ANKRD36: variants seen among roughly 807,000 people sequenced by gnomAD.
ANKRD36 encodes ankyrin repeat domain 36, also known as ankyrin repeat domain-containing protein 36A.
ANKRD36 carries 179 observed loss-of-function variants against 278.1 expected under a neutral mutation model. The ratio of observed to expected loss-of-function variants is 0.64; its 90% CI spans 0.57 to 0.73. ANKRD36 has a LOEUF of 0.73. Among genes scored for constraint, ANKRD36 ranks in the 30% least tolerant of loss-of-function variants. The pLI, the probability that ANKRD36 is intolerant of heterozygous loss-of-function variation, is 0.00. For synonymous variants in ANKRD36, 320 were observed against 641.1 expected, an observed-to-expected ratio of 0.50 and a Z score of 7.57; for missense variants, 1,159 against 1,956.7, an observed-to-expected ratio of 0.59 and a Z score of 7.69.
chr2:97,146,840 A>G (rs1260548102), intron 11 of ANKRD36, among the ~76,000 whole-genome samples: 1 of 151,778 alleles, frequency 6.6e-6, no homozygotes, highest in African/African-American at 2.4e-5. Flanking sequence ...ATACAGACCT[A>G]TGCAGCAATG....
At chr2:97,122,763 A>G (rs901041005) in intron 3 of ANKRD36, 124 bp from the exon 4 acceptor site, 1 of 822,330 alleles carries the variant, frequency 1.2e-6, no homozygotes, top group Non-Finnish European at 1.8e-6. Context: ...AAAGAAAGGG[A>G]CTACCTCTTA....
intron 64 of ANKRD36, among the ~76,000 whole-genome samples, chr2:97,218,317 T>A (rs1478727365): frequency 6.9e-6 from 1 of 145,212 alleles, no homozygotes; most frequent in Non-Finnish European, 1.5e-5. Context: ...ATCTAATGCC[T>A]GGAGTAATTC....
intron 18 of ANKRD36, chr2:97,163,364 T>G: frequency 2.3e-6 from 1 of 426,548 alleles, no homozygotes; most frequent in Non-Finnish European, 4.7e-6. Context: ...TGAGTACTCA[T>G]TAGTTATTTG....
rs556996785 is a variant in ANKRD36 at position 97,192,851 on chromosome 2, T to C, written c.2348-7T>C. 1 of 1,602,716 alleles carries C rather than the reference T, an allele frequency of 6.2e-7. No homozygotes were observed. The highest frequency in any genetic ancestry group is 8.5e-7 in the Non-Finnish European group (1 of 1,176,888). On this transcript the variant is annotated splice_region_variant and splice_polypyrimidine_tract_variant and intron_variant, in intron 36 of 75. Transcript: ENST00000420699. ...ATGAGTGATTATGTATCCCTTTTGC[T>C]TTTCAGTGTCTTCTCAGAAACCACC...
intron 22 of ANKRD36, among the ~76,000 whole-genome samples, chr2:97,178,395 A>G (rs2054998458): frequency 6.6e-6 from 1 of 151,948 alleles, no homozygotes; most frequent in Non-Finnish European, 1.5e-5. Flanking sequence ...TTATTACGGC[A>G]TTATTCACAA....
chr2:97,212,513 G>A (rs1188517594), intron 58 of ANKRD36, among the ~76,000 whole-genome samples: 1 of 151,836 alleles, frequency 6.6e-6, no homozygotes, highest in East Asian at 2.0e-4. Context: ...GCTAAGTCTT[G>A]GATAAAATAG....
At chr2:97,204,565 G>T (rs1056965417) in intron 50 of ANKRD36, among the ~76,000 whole-genome samples, 5 of 151,324 alleles carry the variant, frequency 3.3e-5, no homozygotes, top group Non-Finnish European at 5.9e-5. Flanking sequence ...CTTGTTTTCA[G>T]TAGGGGTGGA....
At chr2:97,164,852 T>G (rs1308029854) in intron 20 of ANKRD36, among the ~76,000 whole-genome samples, 1 of 152,148 alleles carries the variant, frequency 6.6e-6, no homozygotes. Flanking sequence ...ACAATTGTTT[T>G]AGAACTTCAA....
At chr2:97,157,699 G>A (rs977255640) in intron 15 of ANKRD36, among the ~76,000 whole-genome samples, 11 of 144,586 alleles carry the variant, frequency 7.6e-5, no homozygotes, top group Admixed American at 1.4e-4. Context: ...ATTTTTTCCC[G>A]CAGAAAGTAA....
intron 22 of ANKRD36, among the ~76,000 whole-genome samples, chr2:97,178,533 A>G (rs1283008947): frequency 6.6e-6 from 1 of 151,798 alleles, no homozygotes; most frequent in Admixed American, 6.6e-5. Flanking sequence ...TTGAAGGGAC[A>G]TGGATGAAAT....
intron 40 of ANKRD36, 149 bp from the exon 41 acceptor site, chr2:97,196,444 T>G: frequency 6.9e-7 from 1 of 1,447,654 alleles, no homozygotes; most frequent in Non-Finnish European, 9.4e-7. Context: ...ATTTCTGTCA[T>G]GTTCTAGTCC....
intron 44 of ANKRD36, among the ~76,000 whole-genome samples, chr2:97,199,991 T>G (rs998357751): frequency 2.6e-5 from 4 of 151,900 alleles, no homozygotes; most frequent in African/African-American, 9.7e-5. Flanking sequence ...GCACCTGTTT[T>G]GACATTGATT....
At chr2:97,216,197 A>G (rs1442491311) in intron 62 of ANKRD36, among the ~76,000 whole-genome samples, 2 of 152,138 alleles carry the variant, frequency 1.3e-5, no homozygotes, top group East Asian at 3.9e-4. Context: ...TGTTTTGTTG[A>G]TTTTAGTTAT....
At chr2:97,173,874 T>C (rs565383659) in intron 22 of ANKRD36, among the ~76,000 whole-genome samples, 2 of 151,534 alleles carry the variant, frequency 1.3e-5, no homozygotes, top group Non-Finnish European at 3.0e-5. Flanking sequence ...TTTTGTTTTT[T>C]GGTTTTTTTT....
intron 6 of ANKRD36, among the ~76,000 whole-genome samples, chr2:97,138,207 G>A (rs924798296): frequency 2.6e-5 from 4 of 152,038 alleles, no homozygotes; most frequent in African/African-American, 7.2e-5. Flanking sequence ...AATTGTCTCA[G>A]CCCCAAATCT....
chr2:97,210,571 G>A (rs2064186009), intron 56 of ANKRD36, among the ~76,000 whole-genome samples: 2 of 151,814 alleles, frequency 1.3e-5, no homozygotes, highest in African/African-American at 4.8e-5. Flanking sequence ...GTTGATTTTA[G>A]TTATAAAAAT....
intron 56 of ANKRD36, among the ~76,000 whole-genome samples, chr2:97,210,944 G>C: frequency 6.6e-6 from 1 of 151,860 alleles, no homozygotes; most frequent in Middle Eastern, 3.2e-3. Context: ...AGAAACTTAG[G>C]AAAATTATTA....
intron 6 of ANKRD36, among the ~76,000 whole-genome samples, chr2:97,131,985 C>T (rs1270833561): frequency 6.6e-6 from 1 of 151,864 alleles, no homozygotes; most frequent in Non-Finnish European, 1.5e-5. Context: ...TGCACCACCA[C>T]GCCCAGCTAA....
At chr2:97,227,539 G>A (rs530259000) in intron 67 of ANKRD36, among the ~76,000 whole-genome samples, 3 of 152,218 alleles carry the variant, frequency 2.0e-5, no homozygotes, top group East Asian at 3.9e-4. Context: ...AGACAATGGG[G>A]TTTTCTAGAT....
Sources: allele counts gnomAD v4.1 joint callset (sites outside exome capture counted in the v4.1 genomes callset), GRCh38; gene constraint gnomAD v4.1.1; transcripts MANE v1.5; gene names NCBI Gene and HGNC (gene_info 2026-07-23, HGNC 2026-07-21).